Variants in RBFOX3 observed in about 807,000 individuals in gnomAD.
RBFOX3 encodes the protein RNA binding fox-1 homolog 3.
Under a neutral mutation model 48.7 loss-of-function variants are expected in RBFOX3, and 17 were observed. That is an observed-to-expected ratio of 0.35 (90% CI 0.24 to 0.52). The LOEUF (loss-of-function observed/expected upper bound fraction) is 0.52, where lower values mean the gene tolerates loss of function less well. Ranked by LOEUF, RBFOX3 falls within the 20% of genes least tolerant of loss-of-function variation. The probability of loss-of-function intolerance (pLI) is 0.94; values close to 1 mark genes in which losing one functional copy is unlikely to be tolerated. For synonymous variants in RBFOX3, 212 were observed against 209.5 expected, an observed-to-expected ratio of 1.01 and a Z score of -0.10; for missense variants, 382 against 497.5, an observed-to-expected ratio of 0.77 and a Z score of 2.21.
chr17:79,445,479 G>A (rs1462028754), intron 2 of RBFOX3, among the ~76,000 whole-genome samples: 7 of 152,112 alleles, frequency 4.6e-5, no homozygotes, highest in South Asian at 2.1e-4. Flanking sequence ...GACCCGCCTC[G>A]ATTTCCAGGA....
intron 2 of RBFOX3, among the ~76,000 whole-genome samples, chr17:79,399,571 C>T (rs187519493): frequency 7.0e-4 from 106 of 152,134 alleles, no homozygotes; most frequent in Admixed American, 1.9e-3. Context: ...ACACGGTGGC[C>T]GCACCAGGGC....
At chr17:79,595,380 G>A (rs1185762487) in intron 1 of RBFOX3, among the ~76,000 whole-genome samples, 2 of 152,206 alleles carry the variant, frequency 1.3e-5, no homozygotes, top group African/African-American at 4.8e-5. Context: ...TTTGTGCCAG[G>A]CACTGGGCTA....
At chr17:79,124,812 G>C (rs978578394) in intron 4 of RBFOX3, among the ~76,000 whole-genome samples, 2 of 152,202 alleles carry the variant, frequency 1.3e-5, no homozygotes, top group African/African-American at 4.8e-5. Flanking sequence ...TGGTGACAGT[G>C]GGGGGTGGGA....
intron 4 of RBFOX3, among the ~76,000 whole-genome samples, chr17:79,168,369 G>A (rs2048452695): frequency 6.6e-6 from 1 of 152,272 alleles, no homozygotes; most frequent in South Asian, 2.1e-4. Flanking sequence ...GGTTTAAATT[G>A]TGAATTGACC....
chr17:79,097,663 T>TGCCCAACCCCCCCCCCC, intron 10 of RBFOX3, 29 bp downstream of exon 10: 1 of 1,384,072 alleles, frequency 7.2e-7, no homozygotes, highest in Non-Finnish European at 9.8e-7. Context: ...GCTGGTCTCA[T>TGCCCAACCCCCCCCCCC]CCCATCCCCG....
chr17:79,188,824 G>A (rs745894057), intron 4 of RBFOX3, among the ~76,000 whole-genome samples: 6 of 152,236 alleles, frequency 3.9e-5, no homozygotes, highest in Non-Finnish European at 1.5e-5. Flanking sequence ...CCCAGGGCTC[G>A]GTGGGTAAGA....
At chr17:79,660,743 C>T in the RBFOX3 span, among the ~76,000 whole-genome samples, 1 of 152,144 alleles carries the variant, frequency 6.6e-6, no homozygotes, top group East Asian at 1.9e-4. Context: ...GATCTAGAGG[C>T]AGAAATACCA....
intron 4 of RBFOX3, among the ~76,000 whole-genome samples, chr17:79,120,327 T>C (rs1327842461): frequency 6.6e-6 from 1 of 151,932 alleles, no homozygotes; most frequent in East Asian, 1.9e-4. Flanking sequence ...CATGGATGGA[T>C]GGATGGGAGG....
chr17:79,640,461 C>T, the RBFOX3 span, among the ~76,000 whole-genome samples: 1 of 152,064 alleles, frequency 6.6e-6, no homozygotes, highest in Admixed American at 6.6e-5. Flanking sequence ...AAAAAATAAT[C>T]CCAAAATTTG....
intron 2 of RBFOX3, among the ~76,000 whole-genome samples, chr17:79,375,786 GC>G (rs970300306): frequency 4.6e-5 from 7 of 152,176 alleles, no homozygotes; most frequent in African/African-American, 1.7e-4. Context: ...GCAGGACACG[GC>G]CCCTCACCGT....
intron 2 of RBFOX3, among the ~76,000 whole-genome samples, chr17:79,356,126 C>CT (rs1404492949): frequency 1.3e-5 from 2 of 152,150 alleles, no homozygotes; most frequent in African/African-American, 4.8e-5. Context: ...GTGTTCTTGG[C>CT]TCTTGACTTT....
At chr17:79,609,705 G>C (rs2093926294) in intron 1 of RBFOX3, among the ~76,000 whole-genome samples, 2 of 125,294 alleles carry the variant, frequency 1.6e-5, no homozygotes, top group Non-Finnish European at 3.2e-5. Flanking sequence ...TTGGGGACCC[G>C]ACAGGTTCCC....
intron 1 of RBFOX3, among the ~76,000 whole-genome samples, chr17:79,591,045 G>A (rs994987074): frequency 6.6e-6 from 1 of 152,210 alleles, no homozygotes; most frequent in African/African-American, 2.4e-5. Context: ...GTGTCTGCCG[G>A]GGACCCTGGG....
intron 4 of RBFOX3, among the ~76,000 whole-genome samples, chr17:79,168,134 G>A (rs1470205219): frequency 2.6e-5 from 4 of 152,150 alleles, no homozygotes; most frequent in African/African-American, 7.2e-5. Flanking sequence ...CTGATGCCCC[G>A]ACCCTCGTTC....
chr17:79,213,832 C>T (rs2058680156), intron 4 of RBFOX3, among the ~76,000 whole-genome samples: 1 of 152,220 alleles, frequency 6.6e-6, no homozygotes, highest in Admixed American at 6.5e-5. Flanking sequence ...TCACAGGAAA[C>T]CTGACTTTCC....
intron 2 of RBFOX3, among the ~76,000 whole-genome samples, chr17:79,436,996 G>A (rs1555731525): frequency 6.6e-6 from 1 of 152,196 alleles, no homozygotes; most frequent in Non-Finnish European, 1.5e-5. Flanking sequence ...TGTTAGAGAT[G>A]GGGGCCCAGA....
intron 2 of RBFOX3, among the ~76,000 whole-genome samples, chr17:79,372,144 C>T (rs1323994079): frequency 6.6e-6 from 1 of 152,028 alleles, no homozygotes; most frequent in African/African-American, 2.4e-5. Flanking sequence ...AATGCGCTGC[C>T]CGGTGCTGTG....
chr17:79,310,357 G>C (rs2076677853), intron 2 of RBFOX3, among the ~76,000 whole-genome samples: 3 of 152,112 alleles, frequency 2.0e-5, no homozygotes, highest in Non-Finnish European at 4.4e-5. Flanking sequence ...CCCCATGACT[G>C]GTGCAAACCT....
chr17:79,192,281 C>G (rs1198149525), intron 4 of RBFOX3, among the ~76,000 whole-genome samples: 1 of 152,232 alleles, frequency 6.6e-6, no homozygotes, highest in Non-Finnish European at 1.5e-5. Flanking sequence ...CGCTCCCGGC[C>G]TTTCCTCCCA....
Sources: allele counts gnomAD v4.1 joint callset (sites outside exome capture counted in the v4.1 genomes callset), GRCh38; gene constraint gnomAD v4.1.1; transcripts MANE v1.5; gene names NCBI Gene and HGNC (gene_info 2026-07-23, HGNC 2026-07-21).